Variants in OR4A47 observed in about 807,000 individuals in gnomAD.
OR4A47 encodes the protein olfactory receptor 4A47.
In OR4A47, 19 loss-of-function variants were observed where a neutral mutation model predicts 16.2. That is an observed-to-expected ratio of 1.17 (90% confidence interval 0.82 to 1.72). OR4A47 has a LOEUF of 1.72. Ranked by LOEUF, OR4A47 falls within the 40% of genes most tolerant of loss-of-function variation. The probability of loss-of-function intolerance (pLI) is 0.00; values close to 1 mark genes in which losing one functional copy is unlikely to be tolerated. For synonymous variants in OR4A47, 180 were observed against 136.0 expected (o/e 1.32, Z -2.25); for missense variants, 460 against 361.1 (o/e 1.27, Z -2.22).
chr11:48,489,529 T>C lies in OR4A47; in HGVS notation c.737T>C (p.Val246Ala). The change falls in exon 1 of 1, where the codon GTC becomes GCC. Residue 246 changes from valine to alanine, a missense_variant. By Grantham distance (64) the Val-to-Ala change is moderately conservative. Coordinates refer to ENST00000446524, the MANE Select transcript of OR4A47 (RefSeq NM_001005512.2). ...STCSSHMTVV[V>A]FFFVPCIFMY... Reference sequence around the variant, plus strand: ...TGCAGTTCCCACATGACTGTGGTTGTCTTCTTCTTTGTTCCTTGTATTTTT... The same window carrying C: ...TGCAGTTCCCACATGACTGTGGTTGCCTTCTTCTTTGTTCCTTGTATTTTT... 2.5e-6 allele frequency: 4 copies of C among 1,613,910 alleles called. No individual in the cohort carries two copies. Among genetic ancestry groups the C allele is most frequent in the Non-Finnish European group, 3.4e-6 (4 of 1,179,834 alleles).
At position 48,489,560 on chromosome 11, in the gene OR4A47, T is replaced by C. The variant is rs1222584925; in HGVS notation, c.768T>C (p.Tyr256=). 1.2e-6 allele frequency: 2 copies of C among 1,613,892 alleles called. No homozygotes were observed. Among genetic ancestry groups the C allele is most frequent in the South Asian group, 1.1e-5 (1 of 91,064 alleles). ...VFFFVPCIFM[Y]ARPARTFPID... ...TCTTTGTTCCTTGTATTTTTATGTATGCTAGACCTGCTAGGACCTTCCCCA... is the reference window on the plus strand; with the variant it reads ...TCTTTGTTCCTTGTATTTTTATGTACGCTAGACCTGCTAGGACCTTCCCCA... Residue 256 remains tyrosine, a synonymous_variant, in exon 1 of 1, where the codon TAT becomes TAC. Transcript: ENST00000446524.
chr11:48,489,088 T>A lies in OR4A47; in HGVS notation c.296T>A (p.Leu99His). The A allele has an allele frequency of 6.2e-7, 1 of 1,613,892 alleles. No homozygotes were observed. The highest frequency in any genetic ancestry group is 8.5e-7 in the Non-Finnish European group (1 of 1,179,860). ...SISFQSCMAQLFIEHIFGGSE... is the reference protein window; with the variant it reads ...SISFQSCMAQHFIEHIFGGSE... ...TCCTTCCAATCTTGCATGGCCCAGC[T>A]CTTTATCGAGCACATTTTCGGTGGG... Residue 99 changes from leucine to histidine, a missense_variant, in exon 1 of 1, where the codon CTC becomes CAC. By Grantham distance (99) the Leu-to-His change is moderately conservative. Coordinates refer to ENST00000446524, the MANE Select transcript of OR4A47 (RefSeq NM_001005512.2).
chr11:48,489,421 TG>T lies in OR4A47; in HGVS notation c.630del (p.Leu211SerfsTer13). The T allele has an allele frequency of 6.2e-7, 1 of 1,613,890 alleles. No homozygotes were observed. The highest frequency in any genetic ancestry group is 8.5e-7 in the Non-Finnish European group (1 of 1,179,852). Reference sequence around the variant, plus strand: ...GGACTGGCTTGCACTATTGTGTTTCTGCTCTTACTCATCTCTTATGGTGTCA... The same window carrying T: ...GGACTGGCTTGCACTATTGTGTTTCTCTCTTACTCATCTCTTATGGTGTCA... Reference protein sequence around the residue: ...NGGLACTIVFLLLLISYGVIL... With the variant: ...NGGLACTIVFXLLLISYGVIL... On this transcript the variant is annotated frameshift_variant, in exon 1 of 1. Transcript: ENST00000446524. LOFTEE classifies it high-confidence loss of function.
chr11:48,489,511 C>A lies in OR4A47; in HGVS notation c.719C>A (p.Ser240Tyr). The A allele has an allele frequency of 1.2e-6, 2 of 1,613,766 alleles. No individual in the cohort carries two copies. Among genetic ancestry groups the A allele is most frequent in the South Asian group, 2.2e-5 (2 of 91,058 alleles). ...GRQKALSTCS[S>Y]HMTVVVFFFV... ...CAAAAAGCCCTCTCAACCTGCAGTT[C>A]CCACATGACTGTGGTTGTCTTCTTC... is the stretch of plus-strand genomic sequence containing the variant. The change falls in exon 1 of 1, where the codon TCC (serine) becomes TAC (tyrosine). Residue 240 changes from serine to tyrosine, a missense_variant. Physicochemically the swap from Ser to Tyr is moderately radical, Grantham distance 144 (BLOSUM62 -2). Coordinates refer to ENST00000446524, the MANE Select transcript of OR4A47 (RefSeq NM_001005512.2).
Position 48,489,178 on chromosome 11 carries a change from A to G in OR4A47, c.386A>G (p.His129Arg), listed in dbSNP as rs878910657. The G allele has an allele frequency of 6.2e-6, 10 of 1,613,616 alleles. No individual in the cohort carries two copies. Among genetic ancestry groups the G allele is most frequent in the Middle Eastern group, 1.6e-4 (1 of 6,078 alleles). The change falls in exon 1 of 1, where the codon CAT (histidine) becomes CGT (arginine). Residue 129 changes from histidine (H) to arginine (R), a missense_variant. Coordinates refer to ENST00000446524, the MANE Select transcript of OR4A47 (RefSeq NM_001005512.2). ...DCYVAICKPL[H>R]YLVIMRQWVC... is the part of the protein sequence containing the mutation. ...TATGTGGCCATCTGTAAGCCCTTGC[A>G]TTATTTGGTTATCATGAGACAATGG...
chr11:48,489,415 T>C lies in OR4A47; in HGVS notation c.623T>C (p.Val208Ala). ...VANGGLACTI[V>A]FLLLLISYGV... The stretch of plus-strand genomic sequence containing the variant: ...AATGGAGGACTGGCTTGCACTATTG[T>C]GTTTCTGCTCTTACTCATCTCTTAT... The change falls in exon 1 of 1, where the codon GTG becomes GCG. Residue 208 changes from valine (V) to alanine (A), a missense_variant. Val to Ala is a moderately conservative substitution (Grantham distance 64). Coordinates refer to ENST00000446524, the MANE Select transcript of OR4A47 (RefSeq NM_001005512.2). 1 of 1,613,838 alleles carries C rather than the reference T, an allele frequency of 6.2e-7. No individual in the cohort carries two copies. The highest frequency in any genetic ancestry group is 8.5e-7 in the Non-Finnish European group (1 of 1,179,842).
Position 48,489,281 on chromosome 11 carries a change from G to A in OR4A47, c.489G>A (p.Gly163=). ...TATTTCAACTTAGCATTATTTATGGGCTCCCATTCTGTGGCCCCAATGTCA... is the reference window on the plus strand; with the variant it reads ...TATTTCAACTTAGCATTATTTATGGACTCCCATTCTGTGGCCCCAATGTCA... The part of the protein sequence containing the change: ...HSVFQLSIIY[G]LPFCGPNVID... The change falls in exon 1 of 1, where the codon GGG becomes GGA. Residue 163 remains glycine, a synonymous_variant. Coordinates refer to ENST00000446524, the MANE Select transcript of OR4A47 (RefSeq NM_001005512.2). 1 of 1,613,728 alleles carries A rather than the reference G, an allele frequency of 6.2e-7. No homozygotes were observed. The highest frequency in any genetic ancestry group is 2.2e-5 in the East Asian group (1 of 44,858).
In OR4A47 at chr11:48,489,482, GA is replaced by G. The variant is rs778488840; in HGVS notation, c.691del (p.Arg231GlyfsTer12). 1 of 1,613,716 alleles carries G rather than the reference GA, an allele frequency of 6.2e-7. No individual in the cohort carries two copies. The highest frequency in any genetic ancestry group is 8.5e-7 in the Non-Finnish European group (1 of 1,179,836). On this transcript the variant is annotated frameshift_variant, in exon 1 of 1. Transcript: ENST00000446524. LOFTEE classifies it high-confidence loss of function. ...CTTTAAAGAACCTTAGTCAGAAAGG[GA>G]GGCAAAAAGCCCTCTCAACCTGCAG... ...HSLKNLSQKG[R>X]QKALSTCSSH...
In OR4A47 at chr11:48,489,256, T is replaced by C; in HGVS notation, c.464T>C (p.Val155Ala). Residue 155 changes from valine to alanine, a missense_variant, in exon 1 of 1, where the codon GTA (valine) becomes GCA (alanine). Val to Ala is a moderately conservative substitution (Grantham distance 64). Transcript: ENST00000446524. ...TGGGTTGGAGGATTTCTGCACTCAG[T>C]ATTTCAACTTAGCATTATTTATGGG... is the stretch of plus-strand genomic sequence containing the variant. ...VSWVGGFLHS[V>A]FQLSIIYGLP... 2.5e-6 allele frequency: 4 copies of C among 1,613,806 alleles called. No homozygotes were observed. The highest frequency in any genetic ancestry group is 1.3e-5 in the African/African-American group (1 of 75,030).
At position 48,489,019 on chromosome 11, in the gene OR4A47, C is replaced by A. The variant is rs374887866; in HGVS notation, c.227C>A (p.Ser76Tyr). Residue 76 changes from serine (S) to tyrosine (Y), a missense_variant, in exon 1 of 1, where the codon TCC (serine) becomes TAC (tyrosine). Physicochemically the swap from Ser to Tyr is moderately radical, Grantham distance 144. Transcript: ENST00000446524. ...FIDIIYSSSI[S>Y]PRLISGLFFG... ...GATATCATTTATTCTTCATCCATTT[C>A]CCCCAGATTGATTTCAGGCTTGTTC... is the stretch of plus-strand genomic sequence containing the variant. 7.4e-6 allele frequency: 12 copies of A among 1,613,630 alleles called. No homozygotes were observed. The African/African-American group carries it at 1.5e-4, about 20-fold the overall frequency.
In OR4A47 at chr11:48,489,383, G is replaced by C; in HGVS notation, c.591G>C (p.Val197=). Residue 197 remains valine, a synonymous_variant, in exon 1 of 1, where the codon GTG becomes GTC. Coordinates refer to ENST00000446524, the MANE Select transcript of OR4A47 (RefSeq NM_001005512.2). The part of the protein sequence containing the change: ...CTDTHAIGLL[V]VANGGLACTI... ...ACACCCATGCTATTGGCCTCTTAGTGGTGGCCAATGGAGGACTGGCTTGCA... is the reference window on the plus strand; with the variant it reads ...ACACCCATGCTATTGGCCTCTTAGTCGTGGCCAATGGAGGACTGGCTTGCA... 1.9e-6 allele frequency: 3 copies of C among 1,613,506 alleles called. No homozygotes were observed. Among genetic ancestry groups the C allele is most frequent in the Non-Finnish European group, 2.5e-6 (3 of 1,179,638 alleles).
In OR4A47 at chr11:48,489,261, C is replaced by G; in HGVS notation, c.469C>G (p.Gln157Glu). ...TGGAGGATTTCTGCACTCAGTATTT[C>G]AACTTAGCATTATTTATGGGCTCCC... ...WVGGFLHSVF[Q>E]LSIIYGLPFC... Residue 157 changes from glutamine to glutamate, a missense_variant, in exon 1 of 1, where the codon CAA becomes GAA. Coordinates refer to ENST00000446524, the MANE Select transcript of OR4A47 (RefSeq NM_001005512.2). 6.2e-7 allele frequency: 1 copy of G among 1,613,774 alleles called. No homozygotes were observed. The highest frequency in any genetic ancestry group is 1.3e-5 in the African/African-American group (1 of 75,020).
Position 48,489,418 on chromosome 11 carries a change from T to C in OR4A47, c.626T>C (p.Phe209Ser). The stretch of plus-strand genomic sequence containing the variant: ...GGAGGACTGGCTTGCACTATTGTGT[T>C]TCTGCTCTTACTCATCTCTTATGGT... ...ANGGLACTIV[F>S]LLLLISYGVI... Residue 209 changes from phenylalanine (F) to serine (S), a missense_variant, in exon 1 of 1, where the codon TTT becomes TCT. By Grantham distance (155) the Phe-to-Ser change is radical (BLOSUM62 -2). Coordinates refer to ENST00000446524, the MANE Select transcript of OR4A47 (RefSeq NM_001005512.2). 6.2e-7 allele frequency: 1 copy of C among 1,613,874 alleles called. No individual in the cohort carries two copies. Among genetic ancestry groups the C allele is most frequent in the East Asian group, 2.2e-5 (1 of 44,874 alleles).
chr11:48,489,505 G>T lies in OR4A47; in HGVS notation c.713G>T (p.Cys238Phe). The change falls in exon 1 of 1, where the codon TGC (cysteine) becomes TTC (phenylalanine). Residue 238 changes from cysteine to phenylalanine, a missense_variant. By Grantham distance (205) the Cys-to-Phe change is radical. Coordinates refer to ENST00000446524, the MANE Select transcript of OR4A47 (RefSeq NM_001005512.2). ...QKGRQKALST[C>F]SSHMTVVVFF... ...GGGAGGCAAAAAGCCCTCTCAACCT[G>T]CAGTTCCCACATGACTGTGGTTGTC... 6.2e-7 allele frequency: 1 copy of T among 1,613,842 alleles called. No homozygotes were observed. Among genetic ancestry groups the T allele is most frequent in the Non-Finnish European group, 8.5e-7 (1 of 1,179,832 alleles).
Position 48,488,900 on chromosome 11 carries a change from C to T in OR4A47, c.108C>T (p.Thr36=). 1 of 1,613,004 alleles carries T rather than the reference C, an allele frequency of 6.2e-7. No individual in the cohort carries two copies. The highest frequency in any genetic ancestry group is 8.5e-7 in the Non-Finnish European group (1 of 1,179,236). ...FVMFLLFYIL[T]MVGNLLIVVT... is the part of the protein sequence containing the mutation. ...TGTTCTTGCTCTTCTACATTTTGAC[C>T]ATGGTGGGCAACCTGCTCATTGTAG... Residue 36 remains threonine (T), a synonymous_variant, in exon 1 of 1, where the codon ACC becomes ACT. Transcript: ENST00000446524.
Position 48,489,524 on chromosome 11 carries a change from G to C in OR4A47, c.732G>C (p.Val244=), listed in dbSNP as rs765465904. ...CAACCTGCAGTTCCCACATGACTGTGGTTGTCTTCTTCTTTGTTCCTTGTA... is the reference window on the plus strand; with the variant it reads ...CAACCTGCAGTTCCCACATGACTGTCGTTGTCTTCTTCTTTGTTCCTTGTA... The part of the protein sequence containing the change: ...ALSTCSSHMT[V]VVFFFVPCIF... Residue 244 remains valine (V), a synonymous_variant, in exon 1 of 1, where the codon GTG becomes GTC. Transcript: ENST00000446524. 5 of 1,613,854 alleles carry C rather than the reference G, an allele frequency of 3.1e-6. No individual in the cohort carries two copies. In the South Asian group the frequency reaches 5.5e-5, roughly 18 times the overall value.
Position 48,489,061 on chromosome 11 carries a change from T to C in OR4A47, c.269T>C (p.Ile90Thr), listed in dbSNP as rs893123277. The C allele has an allele frequency of 3.7e-6, 6 of 1,613,782 alleles. No homozygotes were observed. The highest frequency in any genetic ancestry group is 3.3e-5 in the Admixed American group (2 of 59,988). ...GGCTTGTTCTTTGGGAATAATTCCA[T>C]ATCCTTCCAATCTTGCATGGCCCAG... ...ISGLFFGNNS[I>T]SFQSCMAQLF... The change falls in exon 1 of 1, where the codon ATA becomes ACA. Residue 90 changes from isoleucine to threonine, a missense_variant. Physicochemically the swap from Ile to Thr is moderately conservative, Grantham distance 89 (BLOSUM62 -1). Coordinates refer to ENST00000446524, the MANE Select transcript of OR4A47 (RefSeq NM_001005512.2).
Position 48,489,385 on chromosome 11 carries a change from T to C in OR4A47, c.593T>C (p.Val198Ala). The change falls in exon 1 of 1, where the codon GTG (valine) becomes GCG (alanine). Residue 198 changes from valine to alanine, a missense_variant. Transcript: ENST00000446524. Reference sequence around the variant, plus strand: ...ACCCATGCTATTGGCCTCTTAGTGGTGGCCAATGGAGGACTGGCTTGCACT... The same window carrying C: ...ACCCATGCTATTGGCCTCTTAGTGGCGGCCAATGGAGGACTGGCTTGCACT... The part of the protein sequence containing the change: ...TDTHAIGLLV[V>A]ANGGLACTIV... The C allele has an allele frequency of 1.9e-6, 3 of 1,613,646 alleles. No homozygotes were observed. The highest frequency in any genetic ancestry group is 1.7e-6 in the Non-Finnish European group (2 of 1,179,650).
Position 48,489,349 on chromosome 11 carries a change from T to C in OR4A47, c.557T>C (p.Val186Ala), listed in dbSNP as rs748878893. ...FCDMYPLLKL[V>A]CTDTHAIGLL... ...GACATGTATCCCTTATTGAAACTGG[T>C]CTGCACTGACACCCATGCTATTGGC... The change falls in exon 1 of 1, where the codon GTC becomes GCC. Residue 186 changes from valine (V) to alanine (A), a missense_variant. Val to Ala is a moderately conservative substitution (Grantham distance 64). Coordinates refer to ENST00000446524, the MANE Select transcript of OR4A47 (RefSeq NM_001005512.2). 4 of 1,613,784 alleles carry C rather than the reference T, an allele frequency of 2.5e-6. No individual in the cohort carries two copies. In the East Asian group the frequency reaches 6.7e-5, roughly 27 times the overall value.
Sources: allele counts gnomAD v4.1 joint callset, GRCh38; gene constraint gnomAD v4.1.1; transcripts MANE v1.5; gene names NCBI Gene and HGNC (gene_info 2026-07-23, HGNC 2026-07-21).